Variants in AGTPBP1 observed in about 807,000 individuals in gnomAD.
The protein encoded by AGTPBP1 is ATP/GTP binding carboxypeptidase 1, also known as cytosolic carboxypeptidase 1.
AGTPBP1 carries 70 observed loss-of-function variants against 143.9 expected under a neutral mutation model. The observed-to-expected ratio is 0.49, with a 90% CI of 0.40 to 0.59. The LOEUF is 0.59. AGTPBP1 is among the 20% of genes least tolerant of loss of function. The pLI is 0.00. For synonymous variants in AGTPBP1, 463 were observed against 500.2 expected (o/e 0.93, Z 0.99); for missense variants, 1,229 against 1,464.5 (o/e 0.84, Z 2.62).
At position 85,627,276 on chromosome 9, in the gene AGTPBP1, T is replaced by TGG. The variant is rs534296760; in HGVS notation, c.2015+5384_2015+5385dup. On this transcript the variant is annotated intron_variant, in intron 14 of 25. Coordinates refer to ENST00000357081, the MANE Select transcript of AGTPBP1 (RefSeq NM_001330701.2). ...TGTGCGCGCACACACACACACAGAG[T>TGG]GGGAGAGTTAAGTCTAAAACTTGCT... 1.7e-3 allele frequency among the ~76,000 whole-genome samples: 251 copies of TGG among 151,654 alleles called. 1 individual carries two copies. The highest frequency in any genetic ancestry group is 4.7e-3 in the Admixed American group (71 of 15,216).
rs540641217 is a variant in AGTPBP1 at position 85,632,030 on chromosome 9, T to C, written c.2015+632A>G. On this transcript the variant is annotated intron_variant, in intron 14 of 25. Coordinates refer to ENST00000357081, the MANE Select transcript of AGTPBP1 (RefSeq NM_001330701.2). ...AAACTTTGCAAAATAATACTGTCTA[T>C]ATTGTTTCATTTATAGTCTATTTTT... is the stretch of plus-strand genomic sequence containing the variant. Among the ~76,000 whole-genome samples the C allele has an allele frequency of 1.4e-4, 22 of 152,260 alleles. No homozygotes were observed. The East Asian group carries it at 4.0e-3, about 28-fold the overall frequency.
At chr9:85,576,527 A>T (rs1223910643) in intron 24 of AGTPBP1, among the ~76,000 whole-genome samples, 1 of 152,174 alleles carries the variant, frequency 6.6e-6, no homozygotes, top group African/African-American at 2.4e-5. Context: ...CCTTCATTTG[A>T]CCTTTTAATT....
Position 85,589,697 on chromosome 9 carries a change from A to G in AGTPBP1, c.2569-16T>C. The G allele has an allele frequency of 6.3e-7, 1 of 1,598,272 alleles. No homozygotes were observed. Among genetic ancestry groups the G allele is most frequent in the Admixed American group, 1.7e-5 (1 of 57,382 alleles). On this transcript the variant is annotated splice_polypyrimidine_tract_variant and intron_variant, in intron 19 of 25. Coordinates refer to ENST00000357081, the MANE Select transcript of AGTPBP1 (RefSeq NM_001330701.2). ...GAAGATGCATCTTGATAAAAATTTT[A>G]AAACAAAATATACAATCACTTAAAA...
intron 1 of AGTPBP1, among the ~76,000 whole-genome samples, chr9:85,732,931 C>T (rs1738149447): frequency 6.6e-6 from 1 of 152,018 alleles, no homozygotes; most frequent in Non-Finnish European, 1.5e-5. Flanking sequence ...GAAGATAAAA[C>T]AATTATAAAC....
intron 25 of AGTPBP1, among the ~76,000 whole-genome samples, chr9:85,548,125 C>T (rs561866836): frequency 5.3e-5 from 8 of 152,246 alleles, no homozygotes; most frequent in Non-Finnish European, 1.0e-4. Context: ...TTATTTCCCA[C>T]CTGCTACCAA....
chr9:85,677,047 C>G (rs536392222), intron 6 of AGTPBP1, among the ~76,000 whole-genome samples: 11 of 151,750 alleles, frequency 7.2e-5, no homozygotes, highest in African/African-American at 2.7e-4. Context: ...TAATGGAGAG[C>G]GGGAGATAAG....
At chr9:85,640,107 A>G (rs1564093726) in intron 13 of AGTPBP1, among the ~76,000 whole-genome samples, 1 of 152,242 alleles carries the variant, frequency 6.6e-6, no homozygotes, top group Non-Finnish European at 1.5e-5. Flanking sequence ...TATGTTTATT[A>G]TCTCATGATC....
intron 9 of AGTPBP1, among the ~76,000 whole-genome samples, chr9:85,660,308 C>T (rs1258833345): frequency 6.6e-6 from 1 of 151,706 alleles, no homozygotes; most frequent in African/African-American, 2.4e-5. Flanking sequence ...ACCCCTGAAG[C>T]CCCCCAAAAA....
chr9:85,782,778 G>C, the AGTPBP1 span, among the ~76,000 whole-genome samples: 1 of 152,070 alleles, frequency 6.6e-6, no homozygotes, highest in South Asian at 2.1e-4. Context: ...ACAAACATAC[G>C]AATCCTGCCA....
the AGTPBP1 span, among the ~76,000 whole-genome samples, chr9:85,781,667 A>G: frequency 3.1e-4 from 47 of 152,300 alleles, no homozygotes; most frequent in African/African-American, 1.1e-3. Context: ...TTGTTTTCCT[A>G]TTTTATAGTA....
chr9:85,703,114 G>T (rs979325297), intron 2 of AGTPBP1, among the ~76,000 whole-genome samples: 2 of 152,166 alleles, frequency 1.3e-5, no homozygotes, highest in African/African-American at 2.4e-5. Context: ...CAATGTCCCA[G>T]TTGCATTTGG....
rs543117748 is a variant in AGTPBP1 at position 85,590,773 on chromosome 9, G to A, written c.2569-1092C>T. On this transcript the variant is annotated intron_variant, in intron 19 of 25. Transcript: ENST00000357081. ...AGCAGAGATGAGTACTGCAGGCAGA[G>A]GGAAAAATATTAGGAAGACCAGAGG... 7.9e-4 allele frequency among the ~76,000 whole-genome samples: 120 copies of A among 152,222 alleles called. 1 individual carries two copies. Among genetic ancestry groups the A allele is most frequent in the African/African-American group, 2.8e-3 (116 of 41,540 alleles).
intron 5 of AGTPBP1, 152 bp downstream of exon 5, chr9:85,678,183 G>T: frequency 2.0e-6 from 1 of 510,310 alleles, no homozygotes; most frequent in Non-Finnish European, 3.4e-6. Context: ...CAAAAATAAA[G>T]CAACAACAAC....
chr9:85,627,575 T>C (rs1831382689), intron 14 of AGTPBP1, among the ~76,000 whole-genome samples: 2 of 152,286 alleles, frequency 1.3e-5, no homozygotes, highest in South Asian at 2.1e-4. Flanking sequence ...ATAACTCCCA[T>C]GTAAACACTT....
chr9:85,756,791 T>A, the AGTPBP1 span, among the ~76,000 whole-genome samples: 2 of 152,176 alleles, frequency 1.3e-5, no homozygotes, highest in South Asian at 2.1e-4. Flanking sequence ...TGATACATGC[T>A]ACAACATGGA....
At chr9:85,565,437 C>T (rs1169311421) in intron 25 of AGTPBP1, among the ~76,000 whole-genome samples, 1 of 150,932 alleles carries the variant, frequency 6.6e-6, no homozygotes, top group Non-Finnish European at 1.5e-5. Flanking sequence ...GTGAACTCAA[C>T]TAAAAAAAAA....
At chr9:85,671,026 T>C (rs1399335612) in intron 7 of AGTPBP1, among the ~76,000 whole-genome samples, 2 of 152,058 alleles carry the variant, frequency 1.3e-5, no homozygotes, top group African/African-American at 4.8e-5. Flanking sequence ...ACTGCAGCCT[T>C]AACCTCCTGG....
chr9:85,691,393 A>G (rs541912708), intron 3 of AGTPBP1, among the ~76,000 whole-genome samples: 1 of 152,096 alleles, frequency 6.6e-6, no homozygotes, highest in Non-Finnish European at 1.5e-5. Context: ...TATCTGAATG[A>G]CCTAAGCCTC....
intron 25 of AGTPBP1, among the ~76,000 whole-genome samples, chr9:85,573,730 G>C (rs1477784552): frequency 6.6e-6 from 1 of 151,664 alleles, no homozygotes; most frequent in Non-Finnish European, 1.5e-5. Flanking sequence ...CATCATCTGA[G>C]ATGTGGGGAG....
Sources: gnomAD v4.1 joint callset for allele counts (sites outside exome capture counted in the v4.1 genomes callset) on GRCh38, gnomAD v4.1.1 for gene constraint, MANE v1.5 for transcripts, NCBI Gene and HGNC (gene_info 2026-07-23, HGNC 2026-07-21) for gene names.